The following STK3 variants were observed in gnomAD, a reference collection of about 807,000 sequenced individuals.
STK3 encodes serine/threonine kinase 3, also known as serine/threonine-protein kinase 3.
Under a neutral mutation model 58.0 loss-of-function variants are expected in STK3, and 41 were observed. The observed-to-expected ratio is 0.71, with a 90% CI of 0.55 to 0.92. STK3 has a LOEUF of 0.92. Among genes scored for constraint, STK3 ranks in the 40% least tolerant of loss-of-function variants. The probability of loss-of-function intolerance (pLI) is 0.00; values close to 1 mark genes in which losing one functional copy is unlikely to be tolerated. For missense variants in STK3, 479 were observed against 602.7 expected (o/e 0.79, Z 2.15); for synonymous variants, 170 against 191.0 (o/e 0.89, Z 0.91).
At chr8:98,740,754 T>G (rs1262513050) in intron 4 of STK3, among the ~76,000 whole-genome samples, 1 of 152,144 alleles carries the variant, frequency 6.6e-6, no homozygotes, top group Non-Finnish European at 1.5e-5. Context: ...ATATTAACTT[T>G]AAATGTAAAT....
chr8:98,925,657 G>A (rs1839761607), intron 1 of STK3, among the ~76,000 whole-genome samples: 1 of 152,074 alleles, frequency 6.6e-6, no homozygotes, highest in Admixed American at 6.6e-5. Context: ...TTGTATTGTT[G>A]TTGGCCCAAA....
intron 8 of STK3, among the ~76,000 whole-genome samples, chr8:98,553,033 A>G (rs1261506251): frequency 6.6e-6 from 1 of 152,200 alleles, no homozygotes; most frequent in Non-Finnish European, 1.5e-5. Context: ...TGTTGACAGT[A>G]AAATGGGAAT....
chr8:98,593,132 G>A (rs571792436), intron 7 of STK3, among the ~76,000 whole-genome samples: 4 of 152,142 alleles, frequency 2.6e-5, no homozygotes, highest in South Asian at 4.2e-4. Context: ...CAGGAACTCC[G>A]GTGCTAATAG....
At chr8:98,808,317 C>T (rs1040155713) in intron 1 of STK3, among the ~76,000 whole-genome samples, 3 of 152,178 alleles carry the variant, frequency 2.0e-5, no homozygotes, top group African/African-American at 7.2e-5. Context: ...AACACCAAAA[C>T]ACATGAAACA....
downstream of STK3, among the ~76,000 whole-genome samples, chr8:98,398,550 C>T (rs147356482): frequency 1.3e-5 from 2 of 152,204 alleles, no homozygotes; most frequent in African/African-American, 4.8e-5. Flanking sequence ...CCCAAACCCT[C>T]ACCATCAGAC....
intron 10 of STK3, among the ~76,000 whole-genome samples, chr8:98,497,745 T>C (rs138537521): frequency 0.011 from 1,662 of 152,254 alleles, 25 homozygotes; most frequent in African/African-American, 0.037. Context: ...CAGAACGAGA[T>C]ACCACTTCAT....
chr8:98,925,198 T>C (rs1219336991), intron 1 of STK3, among the ~76,000 whole-genome samples: 2 of 152,208 alleles, frequency 1.3e-5, no homozygotes, highest in East Asian at 3.8e-4. Context: ...AGGGCTGCCA[T>C]TGGTCTCCTG....
At chr8:98,350,221 G>A in the STK3 span, among the ~76,000 whole-genome samples, 3 of 152,014 alleles carry the variant, frequency 2.0e-5, no homozygotes, top group Non-Finnish European at 2.9e-5. Flanking sequence ...AAATCTCTAG[G>A]GCAGGGGCAA....
At chr8:98,664,365 C>T (rs1024444011) in intron 6 of STK3, among the ~76,000 whole-genome samples, 11 of 152,266 alleles carry the variant, frequency 7.2e-5, no homozygotes, top group Admixed American at 2.6e-4. Context: ...TTCATCTGTC[C>T]AATGGCAATC....
intron 10 of STK3, among the ~76,000 whole-genome samples, chr8:98,489,638 A>G (rs1335055603): frequency 6.6e-6 from 1 of 152,026 alleles, no homozygotes; most frequent in Non-Finnish European, 1.5e-5. Flanking sequence ...TTTTCCACAC[A>G]TTTAGCCGAT....
Position 98,529,766 on chromosome 8 carries a change from GT to G in STK3, c.1142-2850del, listed in dbSNP as rs569725399. On this transcript the variant is annotated intron_variant, in intron 9 of 10. Transcript: ENST00000419617. ...ACATTATGCTATGTGAAATAAGCTAGTAACAAAAGAACAAAATACTGTATGA... is the reference window on the plus strand; with the variant it reads ...ACATTATGCTATGTGAAATAAGCTAGAACAAAAGAACAAAATACTGTATGA... Among the ~76,000 whole-genome samples the G allele has an allele frequency of 2.5e-3, 377 of 152,290 alleles. 1 individual carries two copies. Among genetic ancestry groups the G allele is most frequent in the Non-Finnish European group, 4.6e-3 (315 of 68,016 alleles).
chr8:98,408,671 T>G (rs1288432459), intron 3 of STK3, among the ~76,000 whole-genome samples: 1 of 152,218 alleles, frequency 6.6e-6, no homozygotes, highest in Non-Finnish European at 1.5e-5. Flanking sequence ...CACATCCTCC[T>G]TAAAATGTTA....
upstream of STK3, among the ~76,000 whole-genome samples, chr8:98,828,512 A>G (rs1356481143): frequency 4.6e-5 from 7 of 151,376 alleles, no homozygotes; most frequent in Non-Finnish European, 5.9e-5. Flanking sequence ...AGTCCCAACT[A>G]CTAGGCTTCA....
At chr8:98,519,513 A>T (rs991344604) in intron 10 of STK3, among the ~76,000 whole-genome samples, 1 of 152,022 alleles carries the variant, frequency 6.6e-6, no homozygotes, top group African/African-American at 2.4e-5. Context: ...GAAGATTCCT[A>T]AAATGTCCAT....
chr8:98,457,673 C>T (rs1245570498), intron 10 of STK3, among the ~76,000 whole-genome samples: 1 of 152,034 alleles, frequency 6.6e-6, no homozygotes. Context: ...TACTATACTG[C>T]AAATAACATG....
intron 7 of STK3, among the ~76,000 whole-genome samples, chr8:98,584,888 A>C (rs1325977805): frequency 6.6e-6 from 1 of 151,662 alleles, no homozygotes. Context: ...TTAGCTGCAT[A>C]AATGTCTTCT....
At chr8:98,840,798 C>T (rs1177215484) in intron 3 of STK3, among the ~76,000 whole-genome samples, 1 of 151,772 alleles carries the variant, frequency 6.6e-6, no homozygotes, top group African/African-American at 2.4e-5. Flanking sequence ...TTATCAGGAC[C>T]CTTCAGTTCA....
chr8:98,534,063 AATT>A (rs1274093149), intron 9 of STK3, among the ~76,000 whole-genome samples: 1 of 152,230 alleles, frequency 6.6e-6, no homozygotes, highest in African/African-American at 2.4e-5. Flanking sequence ...TGACTACTAC[AATT>A]ATTATTAGGC....
At chr8:98,523,117 T>C (rs1031765048) in intron 10 of STK3, among the ~76,000 whole-genome samples, 4 of 152,192 alleles carry the variant, frequency 2.6e-5, no homozygotes, top group African/African-American at 9.6e-5. Context: ...GGAACCACCA[T>C]ACTGCTTCCC....
Sources: allele counts gnomAD v4.1 joint callset (sites outside exome capture counted in the v4.1 genomes callset), GRCh38; gene constraint gnomAD v4.1.1; transcripts MANE v1.5; gene names NCBI Gene and HGNC (gene_info 2026-07-23, HGNC 2026-07-21).